The following GALNT13 variants were observed in gnomAD, a reference collection of about 807,000 sequenced individuals.
GALNT13 encodes the protein polypeptide N-acetylgalactosaminyltransferase 13, also known as UDP-GalNAc:polypeptide N-acetylgalactosaminyltransferase 13.
In GALNT13, 28 loss-of-function variants were observed where a neutral mutation model predicts 64.2. That is an observed-to-expected ratio of 0.44 (90% CI 0.32 to 0.60). The LOEUF (loss-of-function observed/expected upper bound fraction) is 0.60, where lower values mean the gene tolerates loss of function less well. Among genes scored for constraint, GALNT13 ranks in the 20% least tolerant of loss-of-function variants. The probability of loss-of-function intolerance (pLI) is 0.05; values close to 1 mark genes in which losing one functional copy is unlikely to be tolerated. For synonymous variants in GALNT13, 214 were observed against 224.6 expected (o/e 0.95, Z 0.42); for missense variants, 577 against 669.8 (o/e 0.86, Z 1.53).
At chr2:153,400,096 C>G in the GALNT13 span, among the ~76,000 whole-genome samples, 2 of 151,818 alleles carry the variant, frequency 1.3e-5, no homozygotes, top group African/African-American at 2.4e-5. Flanking sequence ...TGAAATACGT[C>G]CCATCAATAC....
chr2:153,729,556 C>T, the GALNT13 span, among the ~76,000 whole-genome samples: 1 of 151,946 alleles, frequency 6.6e-6, no homozygotes, highest in African/African-American at 2.4e-5. Context: ...CCTCTGGAGT[C>T]AATTTTGATG....
At chr2:154,014,474 C>G (rs1418280485) in intron 3 of GALNT13, among the ~76,000 whole-genome samples, 3 of 151,782 alleles carry the variant, frequency 2.0e-5, no homozygotes, top group African/African-American at 4.8e-5. Context: ...CTTCATCCTC[C>G]TTCCGTCCAC....
the GALNT13 span, among the ~76,000 whole-genome samples, chr2:153,829,853 G>A: frequency 6.6e-6 from 1 of 152,146 alleles, no homozygotes. Flanking sequence ...ATTTAGAAGA[G>A]ACTTAATTCC....
chr2:153,139,860 T>C, the GALNT13 span, among the ~76,000 whole-genome samples: 7 of 151,992 alleles, frequency 4.6e-5, no homozygotes, highest in Non-Finnish European at 5.9e-5. Context: ...TTATTGAATA[T>C]AATAAAGGAT....
intron 2 of GALNT13, among the ~76,000 whole-genome samples, chr2:153,915,695 G>A (rs1260676730): frequency 1.1e-5 from 1 of 88,838 alleles, no homozygotes; most frequent in Non-Finnish European, 2.5e-5. Flanking sequence ...TCCTTTTGTA[G>A]TTCTTTTCCA....
At chr2:153,658,274 A>C in the GALNT13 span, among the ~76,000 whole-genome samples, 3 of 152,046 alleles carry the variant, frequency 2.0e-5, no homozygotes, top group Admixed American at 6.6e-5. Context: ...TCTGAATTCT[A>C]TTCATTGTTC....
chr2:153,521,700 C>A, the GALNT13 span, among the ~76,000 whole-genome samples: 1 of 152,052 alleles, frequency 6.6e-6, no homozygotes, highest in Non-Finnish European at 1.5e-5. Context: ...CCTATTTGTT[C>A]CTCTCTCCCT....
the GALNT13 span, among the ~76,000 whole-genome samples, chr2:153,210,731 A>G: frequency 0.84 from 127,334 of 152,200 alleles, 54,443 homozygotes; most frequent in African/African-American, 0.93. Context: ...AATAAAGTAG[A>G]GTTCTGCAAG....
chr2:153,240,617 G>A, the GALNT13 span, among the ~76,000 whole-genome samples: 1 of 152,156 alleles, frequency 6.6e-6, no homozygotes, highest in Non-Finnish European at 1.5e-5. Context: ...TAGACCTGGG[G>A]AGACATCCCA....
At chr2:153,672,222 C>G in the GALNT13 span, among the ~76,000 whole-genome samples, 1 of 151,968 alleles carries the variant, frequency 6.6e-6, no homozygotes, top group African/African-American at 2.4e-5. Flanking sequence ...TCTACAGAAC[C>G]GTCCACCCCA....
At chr2:154,428,848 C>G (rs1700584840) in intron 11 of GALNT13, among the ~76,000 whole-genome samples, 1 of 150,852 alleles carries the variant, frequency 6.6e-6, no homozygotes, top group Non-Finnish European at 1.5e-5. Context: ...GTGGCGCGAT[C>G]TCTGCTCACT....
chr2:153,565,907 G>GA, the GALNT13 span, among the ~76,000 whole-genome samples: 10 of 150,584 alleles, frequency 6.6e-5, no homozygotes, highest in East Asian at 9.8e-4. Context: ...AAAAATTAAT[G>GA]AAAAAAAATA....
chr2:153,652,666 G>A, the GALNT13 span, among the ~76,000 whole-genome samples: 4 of 152,086 alleles, frequency 2.6e-5, no homozygotes, highest in South Asian at 6.2e-4. Flanking sequence ...TGACTGACAC[G>A]CACCTCTGCA....
chr2:153,440,216 C>T, the GALNT13 span, among the ~76,000 whole-genome samples: 1 of 151,986 alleles, frequency 6.6e-6, no homozygotes, highest in African/African-American at 2.4e-5. Flanking sequence ...TTTTCTGTTC[C>T]TGTGTTAGTT....
At chr2:153,525,280 C>G in the GALNT13 span, among the ~76,000 whole-genome samples, 3 of 152,188 alleles carry the variant, frequency 2.0e-5, no homozygotes, top group Admixed American at 1.3e-4. Flanking sequence ...TCAGGCAAGA[C>G]TCAGACTTAC....
the GALNT13 span, among the ~76,000 whole-genome samples, chr2:153,362,716 A>G: frequency 2.6e-5 from 4 of 152,186 alleles, no homozygotes; most frequent in African/African-American, 7.2e-5. Context: ...CACCCAGTAC[A>G]GGAGCACCCA....
intron 3 of GALNT13, among the ~76,000 whole-genome samples, chr2:153,947,377 TCAA>T (rs1406384708): frequency 6.6e-6 from 1 of 151,954 alleles, no homozygotes; most frequent in African/African-American, 2.4e-5. Flanking sequence ...GATTTTTTGC[TCAA>T]CAACTGACTG....
chr2:153,634,906 T>A, the GALNT13 span, among the ~76,000 whole-genome samples: 8 of 152,170 alleles, frequency 5.3e-5, no homozygotes, highest in South Asian at 1.7e-3. Flanking sequence ...TTTTTTTTTT[T>A]AACTTGCTTT....
chr2:153,814,364 C>T, the GALNT13 span, among the ~76,000 whole-genome samples: 7 of 152,072 alleles, frequency 4.6e-5, no homozygotes, highest in South Asian at 8.3e-4. Flanking sequence ...GGCGTGAACC[C>T]GGGAGGCGGA....
Sources: allele counts gnomAD v4.1 joint callset (sites outside exome capture counted in the v4.1 genomes callset), GRCh38; gene constraint gnomAD v4.1.1; transcripts MANE v1.5; gene names NCBI Gene and HGNC (gene_info 2026-07-23, HGNC 2026-07-21).